Variants in SHANK2 observed in about 807,000 individuals in gnomAD.
SHANK2 encodes SH3 and multiple ankyrin repeat domains 2.
SHANK2 carries 43 observed loss-of-function variants against 133.7 expected under a neutral mutation model. The ratio of observed to expected loss-of-function variants is 0.32; its 90% CI spans 0.25 to 0.41. The LOEUF is 0.41. Among genes scored for constraint, SHANK2 ranks in the 10% least tolerant of loss-of-function variants. SHANK2 has a pLI of 1.00. For synonymous variants in SHANK2, 1,017 were observed against 952.8 expected, an observed-to-expected ratio of 1.07 and a Z score of -1.24; for missense variants, 1,994 against 2,235.8, an observed-to-expected ratio of 0.89 and a Z score of 2.18.
chr11:70,877,348 G>A (rs1389318910), intron 11 of SHANK2, among the ~76,000 whole-genome samples: 2 of 152,190 alleles, frequency 1.3e-5, no homozygotes. Flanking sequence ...AGGCTTCCTG[G>A]GCCGGATTTC....
chr11:70,855,116 G>C (rs1049959896), intron 11 of SHANK2, among the ~76,000 whole-genome samples: 1 of 152,244 alleles, frequency 6.6e-6, no homozygotes, highest in Non-Finnish European at 1.5e-5. Flanking sequence ...TGGCCCAGTG[G>C]CTCTGGCTGT....
chr11:71,208,665 G>A (rs1396582802), intron 2 of SHANK2, among the ~76,000 whole-genome samples: 1 of 152,098 alleles, frequency 6.6e-6, no homozygotes, highest in Non-Finnish European at 1.5e-5. Flanking sequence ...ACACTGGCTT[G>A]GAATCCTGAT....
At chr11:70,506,073 G>A (rs1554968310) in intron 17 of SHANK2, among the ~76,000 whole-genome samples, 1 of 152,220 alleles carries the variant, frequency 6.6e-6, no homozygotes, top group African/African-American at 2.4e-5. Flanking sequence ...TCTGGGCAGG[G>A]GAGGCAAAGG....
intron 2 of SHANK2, among the ~76,000 whole-genome samples, chr11:71,209,714 G>A (rs974912480): frequency 3.9e-5 from 6 of 152,188 alleles, no homozygotes; most frequent in South Asian, 2.1e-4. Flanking sequence ...TCCATACTGC[G>A]TGTCCCTGGA....
At chr11:70,622,908 G>T (rs1482715836) in intron 17 of SHANK2, among the ~76,000 whole-genome samples, 4 of 152,182 alleles carry the variant, frequency 2.6e-5, no homozygotes, top group African/African-American at 9.7e-5. Flanking sequence ...CAGGTGCGGT[G>T]GCTCACACCT....
chr11:70,718,899 G>T (rs1555028234), intron 14 of SHANK2, among the ~76,000 whole-genome samples: 1 of 152,180 alleles, frequency 6.6e-6, no homozygotes, highest in African/African-American at 2.4e-5. Flanking sequence ...CACTTTGCCG[G>T]TCACTGGCGC....
At chr11:71,156,323 G>A (rs1332159721) in intron 2 of SHANK2, among the ~76,000 whole-genome samples, 1 of 152,166 alleles carries the variant, frequency 6.6e-6, no homozygotes, top group Non-Finnish European at 1.5e-5. Context: ...GGTTTCCTGG[G>A]ATTTCCCTAA....
chr11:70,747,786 T>C (rs372084722), intron 14 of SHANK2, among the ~76,000 whole-genome samples: 2 of 152,332 alleles, frequency 1.3e-5, no homozygotes, highest in East Asian at 1.9e-4. Context: ...ATGGTACATG[T>C]ATGTGCAGTG....
chr11:71,109,474 C>T lies in SHANK2; in HGVS notation c.592+467G>A, dbSNP rs77140869. Among the ~76,000 whole-genome samples, 768 of 152,362 alleles carry T rather than the reference C, an allele frequency of 5.0e-3. 4 individuals carry two copies. The highest frequency in any genetic ancestry group is 0.017 in the Middle Eastern group (5 of 294). On this transcript the variant is annotated intron_variant, in intron 6 of 25. Coordinates refer to ENST00000601538, the MANE Select transcript of SHANK2 (RefSeq NM_012309.5). ...AAGGGCCTGGGCCATCTTTCCCGAC[C>T]GATGCCCAGAGGCCCGCACTCATGA...
intron 17 of SHANK2, among the ~76,000 whole-genome samples, chr11:70,589,260 G>T (rs557467533): frequency 6.6e-6 from 1 of 152,296 alleles, no homozygotes; most frequent in African/African-American, 2.4e-5. Context: ...AGTTGAAGCT[G>T]GTACTCATTT....
chr11:70,760,770 T>C (rs1309626578), intron 14 of SHANK2, among the ~76,000 whole-genome samples: 1 of 152,218 alleles, frequency 6.6e-6, no homozygotes, highest in African/African-American at 2.4e-5. Flanking sequence ...CTGAAGGCAG[T>C]TGCTGAGGCT....
chr11:70,701,433 ACT>A (rs1299973789), intron 14 of SHANK2, among the ~76,000 whole-genome samples: 1 of 151,884 alleles, frequency 6.6e-6, no homozygotes, highest in Admixed American at 6.6e-5. Flanking sequence ...ATGGAGTCTC[ACT>A]CTGTCATCCA....
chr11:70,607,790 CTGGCTGGCCAGTTCCGAGAGT>C (rs1554992935), intron 17 of SHANK2, among the ~76,000 whole-genome samples: 1 of 152,252 alleles, frequency 6.6e-6, no homozygotes, highest in East Asian at 1.9e-4. Flanking sequence ...TAATGCCAGC[CTGGCTGGCCAGTTCCGAGAGT>C]TGGGGTTAAG....
chr11:71,232,184 G>A (rs1360643291), intron 1 of SHANK2, among the ~76,000 whole-genome samples: 1 of 152,290 alleles, frequency 6.6e-6, no homozygotes, highest in East Asian at 1.9e-4. Flanking sequence ...AAATTACAGA[G>A]ATGGAGAACA....
intron 11 of SHANK2, among the ~76,000 whole-genome samples, chr11:70,839,046 C>T (rs782564096): frequency 6.6e-6 from 1 of 152,218 alleles, no homozygotes; most frequent in African/African-American, 2.4e-5. Context: ...GCGTTTGCCA[C>T]TGTAATTAAC....
intron 14 of SHANK2, among the ~76,000 whole-genome samples, chr11:70,708,069 G>T (rs947802411): frequency 7.9e-5 from 12 of 152,218 alleles, no homozygotes; most frequent in Non-Finnish European, 1.2e-4. Context: ...GTGCTTCCAG[G>T]GCCTCAGGAG....
intron 8 of SHANK2, among the ~76,000 whole-genome samples, chr11:71,079,897 A>AAGGGGAGGGGAGGGGAAGGG (rs1951273704): frequency 3.1e-5 from 1 of 31,754 alleles, no homozygotes; most frequent in Non-Finnish European, 5.5e-5. Context: ...GAGGGGAAGG[A>AAGGGGAGGGGAGGGGAAGGG]AGGGGAGGGG....
chr11:70,641,639 C>T (rs893470021), intron 17 of SHANK2, among the ~76,000 whole-genome samples: 1 of 152,314 alleles, frequency 6.6e-6, no homozygotes, highest in African/African-American at 2.4e-5. Flanking sequence ...TGGGCATCTG[C>T]GTATTCAGGA....
chr11:70,761,311 G>A (rs1238046821), intron 14 of SHANK2, among the ~76,000 whole-genome samples: 7 of 152,100 alleles, frequency 4.6e-5, no homozygotes, highest in African/African-American at 1.7e-4. Flanking sequence ...TTGGCCACAC[G>A]GGGGCATAGC....
Sources: allele counts gnomAD v4.1 joint callset (sites outside exome capture counted in the v4.1 genomes callset), GRCh38; gene constraint gnomAD v4.1.1; transcripts MANE v1.5; gene names NCBI Gene and HGNC (gene_info 2026-07-23, HGNC 2026-07-21).